The following RNU4ATAC variants were observed in gnomAD, a reference collection of about 807,000 sequenced individuals.
The protein encoded by RNU4ATAC is RNA, U4atac small nuclear, also known as RNA, U4atac small nuclear (U12-dependent splicing).
At chr2:121,530,936 A>T (rs72969388) in exon 1 of RNU4ATAC, 2 of 700,432 alleles carry the variant, frequency 2.9e-6, no homozygotes, top group Non-Finnish European at 5.2e-6. Context: ...TGAGGGCAGT[A>T]CTGCTAACGC....
rs1339722202 is a variant in RNU4ATAC, at chr2:121,530,881, A to C, written n.1A>C. The C allele has an allele frequency of 3.5e-5, 24 of 692,068 alleles. No individual in the cohort carries two copies. The highest frequency in any genetic ancestry group is 4.5e-5 in the Non-Finnish European group (17 of 378,502). 42.9% of individuals were successfully genotyped at this position (692,068 alleles called of 1,614,324 possible). A position where few individuals can be genotyped will look rare whatever the true frequency, so the allele number is the denominator to read the frequency against. On this transcript the variant is annotated non_coding_transcript_exon_variant, in exon 1 of 1. Coordinates refer to ENST00000580972, the Ensembl canonical transcript of RNU4ATAC. ...TGCAGCCCAGGGACTTTCTATTATA[A>C]CCATCCTTTTCTTGGGGTTGCGCTA...
rs767236617 is a variant in RNU4ATAC, at chr2:121,530,926, T to G, written n.46T>G. On this transcript the variant is annotated non_coding_transcript_exon_variant, in exon 1 of 1. Transcript: ENST00000580972. Reference sequence around the variant, plus strand: ...GCGCTACTGTCCAATGAGCGCATAGTGAGGGCAGTACTGCTAACGCCTGAA... The same window carrying G: ...GCGCTACTGTCCAATGAGCGCATAGGGAGGGCAGTACTGCTAACGCCTGAA... 54 of 699,828 alleles carry G rather than the reference T, an allele frequency of 7.7e-5. No individual in the cohort carries two copies. The highest frequency in any genetic ancestry group is 5.4e-5 in the East Asian group (2 of 37,288). The allele number at this position is 699,828 out of a possible 1,614,324, so 43.4% of individuals were successfully genotyped here.
rs1559534848 is a variant in RNU4ATAC, at chr2:121,530,975, C to CA, written n.95_96insA. 2.9e-6 allele frequency: 2 copies of CA among 700,418 alleles called. No homozygotes were observed. Among genetic ancestry groups the CA allele is most frequent in the Admixed American group, 2.0e-5 (1 of 50,012 alleles). The allele number at this position is 700,418 out of a possible 1,614,324, so 43.4% of individuals were successfully genotyped here. ...AACAACACACCCGCATCAACTAGAG[C>CA]TTTTGCTTTATTTTGGTGCAATTTT... is the stretch of plus-strand genomic sequence containing the variant. On this transcript the variant is annotated non_coding_transcript_exon_variant, in exon 1 of 1. Transcript: ENST00000580972.
exon 1 of RNU4ATAC, chr2:121,530,931 G>C (rs557186710): frequency 4.3e-6 from 3 of 700,376 alleles, no homozygotes; most frequent in East Asian, 2.7e-5. Context: ...CATAGTGAGG[G>C]CAGTACTGCT....
At position 121,530,922 on chromosome 2, in the gene RNU4ATAC, A is replaced by T. The variant is rs553096682; in HGVS notation, n.42A>T. The T allele has an allele frequency of 7.3e-5, 51 of 699,832 alleles. 1 individual carries two copies. The highest frequency in any genetic ancestry group is 1.5e-4 in the South Asian group (10 of 67,494). 43.4% of individuals were successfully genotyped at this position (699,832 alleles called of 1,614,324 possible). On this transcript the variant is annotated non_coding_transcript_exon_variant, in exon 1 of 1. Coordinates refer to ENST00000580972, the Ensembl canonical transcript of RNU4ATAC. ...GGTTGCGCTACTGTCCAATGAGCGC[A>T]TAGTGAGGGCAGTACTGCTAACGCC...
In RNU4ATAC at chr2:121,530,939, G is replaced by A. The variant is rs770147655; in HGVS notation, n.59G>A. On this transcript the variant is annotated non_coding_transcript_exon_variant, in exon 1 of 1. Transcript: ENST00000580972. ...ATGAGCGCATAGTGAGGGCAGTACTGCTAACGCCTGAACAACACACCCGCA... is the reference window on the plus strand; with the variant it reads ...ATGAGCGCATAGTGAGGGCAGTACTACTAACGCCTGAACAACACACCCGCA... 7.0e-5 allele frequency: 49 copies of A among 700,418 alleles called. No homozygotes were observed. Among genetic ancestry groups the A allele is most frequent in the Admixed American group, 2.0e-4 (10 of 50,014 alleles). 43.4% of individuals were successfully genotyped at this position (700,418 alleles called of 1,614,324 possible).
At chr2:121,530,974 G>C (rs774196943) in exon 1 of RNU4ATAC, 9 of 700,234 alleles carry the variant, frequency 1.3e-5, no homozygotes, top group African/African-American at 7.0e-5. Flanking sequence ...ATCAACTAGA[G>C]CTTTTGCTTT....
chr2:121,530,886 C>T lies in RNU4ATAC; in HGVS notation n.6C>T, dbSNP rs764712132. ...CCCAGGGACTTTCTATTATAACCAT[C>T]CTTTTCTTGGGGTTGCGCTACTGTC... is the stretch of plus-strand genomic sequence containing the variant. On this transcript the variant is annotated non_coding_transcript_exon_variant, in exon 1 of 1. Transcript: ENST00000580972. The T allele has an allele frequency of 3.7e-4, 254 of 692,792 alleles. No individual in the cohort carries two copies. The highest frequency in any genetic ancestry group is 4.4e-4 in the Admixed American group (22 of 49,666). The allele number at this position is 692,792 out of a possible 1,614,324, so 42.9% of individuals were successfully genotyped here.
chr2:121,530,966 C>G lies in RNU4ATAC; in HGVS notation n.86C>G, dbSNP rs186447983. 2.1e-5 allele frequency: 15 copies of G among 700,294 alleles called. No individual in the cohort carries two copies. The highest frequency in any genetic ancestry group is 4.4e-5 in the South Asian group (3 of 67,510). The allele number at this position is 700,294 out of a possible 1,614,324, so 43.4% of individuals were successfully genotyped here. A position where few individuals can be genotyped will look rare whatever the true frequency, so the allele number is the denominator to read the frequency against. On this transcript the variant is annotated non_coding_transcript_exon_variant, in exon 1 of 1. Coordinates refer to ENST00000580972, the Ensembl canonical transcript of RNU4ATAC. ...TAACGCCTGAACAACACACCCGCAT[C>G]AACTAGAGCTTTTGCTTTATTTTGG...
At position 121,530,923 on chromosome 2, in the gene RNU4ATAC, T is replaced by C. The variant is rs377422272; in HGVS notation, n.43T>C. Reference sequence around the variant, plus strand: ...GTTGCGCTACTGTCCAATGAGCGCATAGTGAGGGCAGTACTGCTAACGCCT... The same window carrying C: ...GTTGCGCTACTGTCCAATGAGCGCACAGTGAGGGCAGTACTGCTAACGCCT... On this transcript the variant is annotated non_coding_transcript_exon_variant, in exon 1 of 1. Coordinates refer to ENST00000580972, the Ensembl canonical transcript of RNU4ATAC. 4.6e-5 allele frequency: 32 copies of C among 699,774 alleles called. No homozygotes were observed. Among genetic ancestry groups the C allele is most frequent in the Non-Finnish European group, 6.5e-5 (25 of 384,398 alleles). The allele number at this position is 699,774 out of a possible 1,614,324, so 43.3% of individuals were successfully genotyped here. A position where few individuals can be genotyped will look rare whatever the true frequency, so the allele number is the denominator to read the frequency against.
rs863225422 is a variant in RNU4ATAC at position 121,530,927 on chromosome 2, G to A, written n.47G>A. The stretch of plus-strand genomic sequence containing the variant: ...CGCTACTGTCCAATGAGCGCATAGT[G>A]AGGGCAGTACTGCTAACGCCTGAAC... On this transcript the variant is annotated non_coding_transcript_exon_variant, in exon 1 of 1. Transcript: ENST00000580972. The A allele has an allele frequency of 1.0e-4, 71 of 699,952 alleles. No individual in the cohort carries two copies. The highest frequency in any genetic ancestry group is 1.4e-4 in the Non-Finnish European group (54 of 384,452). The allele number at this position is 699,952 out of a possible 1,614,324, so 43.4% of individuals were successfully genotyped here. A position where few individuals can be genotyped will look rare whatever the true frequency, so the allele number is the denominator to read the frequency against.
At chr2:121,530,913 A>AT (rs1185849307) in exon 1 of RNU4ATAC, 2 of 699,222 alleles carry the variant, frequency 2.9e-6, no homozygotes, top group Admixed American at 4.0e-5. Context: ...GCTACTGTCC[A>AT]ATGAGCGCAT....
rs545636183 is a variant in RNU4ATAC at position 121,530,948 on chromosome 2, T to C, written n.68T>C. The C allele has an allele frequency of 8.6e-6, 6 of 700,432 alleles. No individual in the cohort carries two copies. Among genetic ancestry groups the C allele is most frequent in the Non-Finnish European group, 1.3e-5 (5 of 384,820 alleles). The allele number at this position is 700,432 out of a possible 1,614,324, so 43.4% of individuals were successfully genotyped here. On this transcript the variant is annotated non_coding_transcript_exon_variant, in exon 1 of 1. Transcript: ENST00000580972. Reference sequence around the variant, plus strand: ...TAGTGAGGGCAGTACTGCTAACGCCTGAACAACACACCCGCATCAACTAGA... The same window carrying C: ...TAGTGAGGGCAGTACTGCTAACGCCCGAACAACACACCCGCATCAACTAGA...
Position 121,530,962 on chromosome 2 carries a change from G to T in RNU4ATAC, n.82G>T, listed in dbSNP as rs187757075. 1.3e-5 allele frequency: 9 copies of T among 700,262 alleles called. No homozygotes were observed. The highest frequency in any genetic ancestry group is 5.2e-5 in the African/African-American group (3 of 57,174). The allele number at this position is 700,262 out of a possible 1,614,324, so 43.4% of individuals were successfully genotyped here. A position where few individuals can be genotyped will look rare whatever the true frequency, so the allele number is the denominator to read the frequency against. On this transcript the variant is annotated non_coding_transcript_exon_variant, in exon 1 of 1. Coordinates refer to ENST00000580972, the Ensembl canonical transcript of RNU4ATAC. ...CTGCTAACGCCTGAACAACACACCC[G>T]CATCAACTAGAGCTTTTGCTTTATT...
chr2:121,530,896 G>GGGTTGC, exon 1 of RNU4ATAC: 3 of 694,744 alleles, frequency 4.3e-6, no homozygotes, highest in Non-Finnish European at 7.9e-6. Context: ...CCTTTTCTTG[G>GGGTTGC]GGTTGCGCTA....
chr2:121,531,008 A>G (rs893429850), downstream of RNU4ATAC: 13 of 700,230 alleles, frequency 1.9e-5, no homozygotes, highest in East Asian at 2.7e-5. Flanking sequence ...TTTTGGAAAA[A>G]TGAAAACCTG....
rs1247359145 is a variant in RNU4ATAC at position 121,530,905 on chromosome 2, T to TA, written n.26dup. ...AACCATCCTTTTCTTGGGGTTGCGC[T>TA]ACTGTCCAATGAGCGCATAGTGAGG... On this transcript the variant is annotated non_coding_transcript_exon_variant, in exon 1 of 1. Coordinates refer to ENST00000580972, the Ensembl canonical transcript of RNU4ATAC. The TA allele has an allele frequency of 1.3e-5, 9 of 697,592 alleles. No individual in the cohort carries two copies. Among genetic ancestry groups the TA allele is most frequent in the Admixed American group, 2.0e-5 (1 of 49,938 alleles). 43.2% of individuals were successfully genotyped at this position (697,592 alleles called of 1,614,324 possible). A position where few individuals can be genotyped will look rare whatever the true frequency, so the allele number is the denominator to read the frequency against.
chr2:121,531,006 A>G (rs758573942), exon 1 of RNU4ATAC: 2 of 700,338 alleles, frequency 2.9e-6, no homozygotes, highest in Non-Finnish European at 5.2e-6. Flanking sequence ...ATTTTTGGAA[A>G]AATGAAAACC....
rs558667045 is a variant in RNU4ATAC at position 121,530,993 on chromosome 2, G to C, written n.113G>C. ...ACTAGAGCTTTTGCTTTATTTTGGT[G>C]CAATTTTTGGAAAAATGAAAACCTG... is the stretch of plus-strand genomic sequence containing the variant. On this transcript the variant is annotated non_coding_transcript_exon_variant, in exon 1 of 1. Coordinates refer to ENST00000580972, the Ensembl canonical transcript of RNU4ATAC. 4.3e-6 allele frequency: 3 copies of C among 700,232 alleles called. No homozygotes were observed. Among genetic ancestry groups the C allele is most frequent in the South Asian group, 3.0e-5 (2 of 67,500 alleles). The allele number at this position is 700,232 out of a possible 1,614,324, so 43.4% of individuals were successfully genotyped here. A position where few individuals can be genotyped will look rare whatever the true frequency, so the allele number is the denominator to read the frequency against.
Sources: gnomAD v4.1 joint callset for allele counts on GRCh38, gnomAD v4.1.1 for gene constraint, MANE v1.5 for transcripts, NCBI Gene and HGNC (gene_info 2026-07-23, HGNC 2026-07-21) for gene names.